Variants in HIPK2 observed in about 807,000 individuals in gnomAD.
HIPK2 encodes homeodomain interacting protein kinase 2, also known as homeodomain-interacting protein kinase 2.
HIPK2 carries 27 observed loss-of-function variants against 113.7 expected under a neutral mutation model. That is an observed-to-expected ratio of 0.24 (90% CI 0.17 to 0.33). HIPK2 has a LOEUF of 0.33. Ranked by LOEUF, HIPK2 falls within the 10% of genes least tolerant of loss-of-function variation. The probability of loss-of-function intolerance (pLI) is 1.00; values close to 1 mark genes in which losing one functional copy is unlikely to be tolerated. For synonymous variants in HIPK2, 631 were observed against 642.2 expected, an observed-to-expected ratio of 0.98 and a Z score of 0.26; for missense variants, 1,257 against 1,588.0, an observed-to-expected ratio of 0.79 and a Z score of 3.54.
At chr7:139,733,846 G>A (rs891305170) in intron 1 of HIPK2, among the ~76,000 whole-genome samples, 2 of 152,186 alleles carry the variant, frequency 1.3e-5, no homozygotes, top group Non-Finnish European at 2.9e-5. Context: ...TCCGGCCAGT[G>A]TGTGACTCCT....
At chr7:139,607,793 A>G (rs1424982137) in intron 9 of HIPK2, among the ~76,000 whole-genome samples, 2 of 152,120 alleles carry the variant, frequency 1.3e-5, no homozygotes, top group African/African-American at 4.8e-5. Context: ...TGTTATGGGG[A>G]TGGCAGTGGG....
At chr7:139,659,525 C>A (rs559216224) in intron 2 of HIPK2, among the ~76,000 whole-genome samples, 1 of 152,334 alleles carries the variant, frequency 6.6e-6, no homozygotes, top group Non-Finnish European at 1.5e-5. Context: ...GAGATTCCTG[C>A]TTGGGCTATT....
chr7:139,713,032 G>T (rs1795117187), intron 2 of HIPK2, among the ~76,000 whole-genome samples: 1 of 152,192 alleles, frequency 6.6e-6, no homozygotes, highest in African/African-American at 2.4e-5. Flanking sequence ...AGGAGAAAGA[G>T]GCCTTCTTGC....
chr7:139,771,322 C>T (rs1262672368), intron 1 of HIPK2, among the ~76,000 whole-genome samples: 20 of 151,752 alleles, frequency 1.3e-4, no homozygotes, highest in Non-Finnish European at 2.2e-4. Flanking sequence ...GTCAGATCTA[C>T]GGGAGATAAT....
At chr7:139,754,075 C>A (rs1485713384) in intron 1 of HIPK2, among the ~76,000 whole-genome samples, 1 of 152,190 alleles carries the variant, frequency 6.6e-6, no homozygotes, top group Non-Finnish European at 1.5e-5. Flanking sequence ...GCTCGAGGCC[C>A]CAGGCTGCTA....
At position 139,626,484 on chromosome 7, in the gene HIPK2, C is replaced by T. The variant is rs59086493; in HGVS notation, c.1619+117G>A. 3.4e-3 allele frequency: 3,542 copies of T among 1,027,792 alleles called. 56 individuals are homozygous for T. The African/African-American group carries it at 0.041, about 12-fold the overall frequency. 63.7% of individuals were successfully genotyped at this position (1,027,792 alleles called of 1,614,324 possible). ...TTGCATCTGTGGCTGCTTTCAGCTA[C>T]AGTGACAGCTGAGTAGTTGTTACCA... On this transcript the variant is annotated intron_variant, in intron 6 of 14. Transcript: ENST00000406875.
chr7:139,637,921 A>C (rs902406440), intron 2 of HIPK2, among the ~76,000 whole-genome samples: 4 of 152,148 alleles, frequency 2.6e-5, no homozygotes, highest in African/African-American at 9.7e-5. Flanking sequence ...TCACCACAGC[A>C]GGGCAGACAG....
At chr7:139,704,061 CACCCAA>C (rs1585397796) in intron 2 of HIPK2, among the ~76,000 whole-genome samples, 8 of 126,700 alleles carry the variant, frequency 6.3e-5, no homozygotes, top group East Asian at 2.6e-4. Flanking sequence ...AACACACACA[CACCCAA>C]CACATGCACC....
At chr7:139,574,163 A>G (rs1011951363) in intron 14 of HIPK2, among the ~76,000 whole-genome samples, 1 of 152,058 alleles carries the variant, frequency 6.6e-6, no homozygotes, top group African/African-American at 2.4e-5. Context: ...TTTCTTACTC[A>G]CTGTAAAATC....
chr7:139,692,270 T>C (rs1794429600), intron 2 of HIPK2, among the ~76,000 whole-genome samples: 1 of 152,178 alleles, frequency 6.6e-6, no homozygotes, highest in South Asian at 2.1e-4. Context: ...ACCTAGAACA[T>C]AACCCAGAAC....
intron 1 of HIPK2, among the ~76,000 whole-genome samples, chr7:139,766,886 C>T (rs1309390975): frequency 2.6e-5 from 4 of 152,206 alleles, no homozygotes; most frequent in African/African-American, 7.2e-5. Flanking sequence ...ATGAACTACA[C>T]AGACCAGCTG....
Position 139,572,707 on chromosome 7 carries a change from T to A in HIPK2, c.*220A>T. ...AAAATGTTCTCTTCTCTGCTCTACG[T>A]CCTCCCACTTCCCGGTTCAAGTTTC... On this transcript the variant is annotated 3_prime_UTR_variant, in exon 15 of 15. Coordinates refer to ENST00000406875, the MANE Select transcript of HIPK2 (RefSeq NM_022740.5). 1 of 482,932 alleles carries A rather than the reference T, an allele frequency of 2.1e-6. No individual in the cohort carries two copies. Among genetic ancestry groups the A allele is most frequent in the Non-Finnish European group, 3.6e-6 (1 of 279,976 alleles). The allele number at this position is 482,932 out of a possible 1,614,324, so 29.9% of individuals were successfully genotyped here.
intron 1 of HIPK2, among the ~76,000 whole-genome samples, chr7:139,747,775 C>G (rs1796213521): frequency 6.6e-6 from 1 of 152,228 alleles, no homozygotes. Flanking sequence ...CCCATCCCAC[C>G]ACTATTCTGG....
At chr7:139,620,371 G>A (rs370411085) in intron 7 of HIPK2, 30 bp downstream of exon 7, 103 of 1,612,958 alleles carry the variant, frequency 6.4e-5, no homozygotes, top group Admixed American at 1.2e-4. Flanking sequence ...GTGCAGCCCC[G>A]CCTCTCCTTC....
At chr7:139,596,530 A>T in intron 12 of HIPK2, 187 bp downstream of exon 12, 1 of 341,030 alleles carries the variant, frequency 2.9e-6, no homozygotes, top group Non-Finnish European at 4.2e-6. Context: ...TTTTGGTTTT[A>T]AACAATTATG....
chr7:139,626,587 G>C lies in HIPK2; in HGVS notation c.1619+14C>G, dbSNP rs1442520538. ...TGCCGATCCCTGGTACGAAGCATCA[G>C]GCAGGACACCTACTGTGTGCTGTGG... is the stretch of plus-strand genomic sequence containing the variant. On this transcript the variant is annotated intron_variant, in intron 6 of 14. Transcript: ENST00000406875. The C allele has an allele frequency of 3.1e-6, 5 of 1,610,634 alleles. No homozygotes were observed. The highest frequency in any genetic ancestry group is 3.4e-6 in the Non-Finnish European group (4 of 1,177,982).
At chr7:139,629,491 C>A (rs184077344) in intron 4 of HIPK2, among the ~76,000 whole-genome samples, 5 of 152,234 alleles carry the variant, frequency 3.3e-5, no homozygotes, top group Non-Finnish European at 5.9e-5. Context: ...ATAGTTTTGA[C>A]AACCACATTA....
chr7:139,651,549 A>G (rs1009607714), intron 2 of HIPK2, among the ~76,000 whole-genome samples: 1 of 152,184 alleles, frequency 6.6e-6, no homozygotes, highest in Non-Finnish European at 1.5e-5. Context: ...CTTAGTCATT[A>G]CCAGCTCACT....
At chr7:139,733,579 T>C (rs1795854057) in intron 1 of HIPK2, among the ~76,000 whole-genome samples, 1 of 152,216 alleles carries the variant, frequency 6.6e-6, no homozygotes, top group Admixed American at 6.5e-5. Context: ...TTAAAAATAA[T>C]CTATGTTTTA....
Sources: allele counts gnomAD v4.1 joint callset (sites outside exome capture counted in the v4.1 genomes callset), GRCh38; gene constraint gnomAD v4.1.1; transcripts MANE v1.5; gene names NCBI Gene and HGNC (gene_info 2026-07-23, HGNC 2026-07-21).